CADM2: variants seen among roughly 807,000 people sequenced by gnomAD.
The protein encoded by CADM2 is immunoglobulin superfamily member 4D.
Under a neutral mutation model 49.8 loss-of-function variants are expected in CADM2, and 12 were observed. The ratio of observed to expected loss-of-function variants is 0.24; its 90% CI spans 0.15 to 0.39. The LOEUF (loss-of-function observed/expected upper bound fraction) is 0.39. Ranked by LOEUF, CADM2 falls within the 10% of genes least tolerant of loss-of-function variation. The pLI, the probability that CADM2 is intolerant of heterozygous loss-of-function variation, is 1.00. For synonymous variants in CADM2, 214 were observed against 175.4 expected (o/e 1.22, Z -1.74); for missense variants, 378 against 492.3 (o/e 0.77, Z 2.20).
At chr3:85,493,860 T>C (rs1035644715) in intron 1 of CADM2, among the ~76,000 whole-genome samples, 1 of 152,214 alleles carries the variant, frequency 6.6e-6, no homozygotes, top group Non-Finnish European at 1.5e-5. Context: ...GAGATATGCT[T>C]TCTCCTATCT....
At chr3:85,706,296 A>T (rs1379088020) in intron 1 of CADM2, among the ~76,000 whole-genome samples, 1 of 152,142 alleles carries the variant, frequency 6.6e-6, no homozygotes, top group African/African-American at 2.4e-5. Context: ...GCCTCTCTTT[A>T]TTTCTATCCA....
intron 1 of CADM2, among the ~76,000 whole-genome samples, chr3:85,530,321 C>CTTTTTTTTTTTTTTT (rs2061270952): frequency 8.4e-6 from 1 of 119,058 alleles, no homozygotes; most frequent in African/African-American, 3.9e-5. Flanking sequence ...TTCTTTTCTC[C>CTTTTTTTTTTTTTTT]GTTTTTTTTT....
intron 1 of CADM2, among the ~76,000 whole-genome samples, chr3:85,094,639 G>A (rs1433120590): frequency 6.6e-6 from 1 of 152,044 alleles, no homozygotes; most frequent in Non-Finnish European, 1.5e-5. Context: ...TATTAAACAA[G>A]GATACATTAT....
intron 8 of CADM2, among the ~76,000 whole-genome samples, chr3:86,044,065 A>G (rs956544566): frequency 7.9e-5 from 12 of 152,214 alleles, no homozygotes; most frequent in African/African-American, 2.9e-4. Context: ...TAAATTCAAG[A>G]TGGATTAAAG....
intron 3 of CADM2, among the ~76,000 whole-genome samples, chr3:85,836,012 C>T (rs1243726019): frequency 6.6e-6 from 1 of 151,342 alleles, no homozygotes; most frequent in Non-Finnish European, 1.5e-5. Context: ...ATACAGGCTG[C>T]TATTTTAAAT....
chr3:85,616,312 A>G (rs143551569), intron 1 of CADM2, among the ~76,000 whole-genome samples: 2,487 of 152,184 alleles, frequency 0.016, 35 homozygotes, highest in Non-Finnish European at 0.025. Context: ...AAAGCACAAT[A>G]TTAAGTATAG....
chr3:85,964,170 C>T (rs1725193574), intron 8 of CADM2, among the ~76,000 whole-genome samples: 2 of 151,740 alleles, frequency 1.3e-5, no homozygotes, highest in South Asian at 2.1e-4. Flanking sequence ...AGTGGCATTT[C>T]GATCTATAAT....
At chr3:85,740,207 A>C (rs2068324371) in intron 2 of CADM2, among the ~76,000 whole-genome samples, 1 of 152,166 alleles carries the variant, frequency 6.6e-6, no homozygotes, top group Non-Finnish European at 1.5e-5. Flanking sequence ...GTGTCTTTTG[A>C]TATCTGTACA....
chr3:85,235,847 A>G (rs1342628134), intron 1 of CADM2, among the ~76,000 whole-genome samples: 1 of 152,034 alleles, frequency 6.6e-6, no homozygotes, highest in African/African-American at 2.4e-5. Context: ...ATGGTGAAAA[A>G]TAGTATAATG....
intron 7 of CADM2, among the ~76,000 whole-genome samples, chr3:85,959,110 ATATC>A (rs1416700347): frequency 6.0e-5 from 9 of 149,370 alleles, no homozygotes; most frequent in African/African-American, 1.5e-4. Context: ...CTGTATATCT[ATATC>A]TATATAGCTA....
chr3:85,966,498 C>A (rs78926293), intron 8 of CADM2, among the ~76,000 whole-genome samples: 1 of 151,716 alleles, frequency 6.6e-6, no homozygotes, highest in Non-Finnish European at 1.5e-5. Context: ...CAATTCATCA[C>A]TCCTTTATTA....
At chr3:85,214,454 C>T (rs942152874) in intron 1 of CADM2, among the ~76,000 whole-genome samples, 1 of 151,830 alleles carries the variant, frequency 6.6e-6, no homozygotes, top group Non-Finnish European at 1.5e-5. Flanking sequence ...GCCTGTATTC[C>T]CTTAAGGCCC....
At position 85,200,765 on chromosome 3, in the gene CADM2, A is replaced by C. The variant is rs536376821; in HGVS notation, c.61+241097A>C. Among the ~76,000 whole-genome samples the C allele has an allele frequency of 5.9e-5, 9 of 152,300 alleles. No individual in the cohort carries two copies. The South Asian group carries it at 1.9e-3, about 32-fold the overall frequency. ...ACCTTATATTTCAATGGCAAATATA[A>C]ATTTGTTAAAATGTCCAGATAGTGT... On this transcript the variant is annotated intron_variant, in intron 1 of 9. Transcript: ENST00000383699.
chr3:85,553,591 A>C (rs1344809177), intron 1 of CADM2, among the ~76,000 whole-genome samples: 1 of 152,204 alleles, frequency 6.6e-6, no homozygotes, highest in East Asian at 1.9e-4. Flanking sequence ...ATCTTCCTAC[A>C]GAGCCGTGGT....
intron 1 of CADM2, among the ~76,000 whole-genome samples, chr3:85,627,996 C>T (rs1576967381): frequency 6.6e-6 from 1 of 152,024 alleles, no homozygotes; most frequent in African/African-American, 2.4e-5. Flanking sequence ...CACTTGCAAA[C>T]ACTTCCCCAA....
At chr3:85,210,602 T>G (rs2041754468) in intron 1 of CADM2, among the ~76,000 whole-genome samples, 1 of 152,136 alleles carries the variant, frequency 6.6e-6, no homozygotes, top group Non-Finnish European at 1.5e-5. Flanking sequence ...AGTGCAGTGG[T>G]GCAATCATGG....
chr3:86,061,465 A>G lies in CADM2; in HGVS notation c.971-4140A>G, dbSNP rs573549336. Among the ~76,000 whole-genome samples, 13 of 152,286 alleles carry G rather than the reference A, an allele frequency of 8.5e-5. No individual in the cohort carries two copies. In the East Asian group the frequency reaches 2.3e-3, roughly 27 times the overall value. On this transcript the variant is annotated intron_variant, in intron 8 of 9. Transcript: ENST00000383699. Reference sequence around the variant, plus strand: ...AATTCTGTGGGGGACAGCTGGCTATAAAAACAGAAGTTATATTTTAACACT... The same window carrying G: ...AATTCTGTGGGGGACAGCTGGCTATGAAAACAGAAGTTATATTTTAACACT...
At chr3:85,360,767 G>T in intron 1 of CADM2, among the ~76,000 whole-genome samples, 1 of 152,048 alleles carries the variant, frequency 6.6e-6, no homozygotes, top group East Asian at 1.9e-4. Flanking sequence ...ACATTTTATT[G>T]AAGCATCACA....
At chr3:85,458,243 T>G (rs1232294991) in intron 1 of CADM2, among the ~76,000 whole-genome samples, 1 of 152,218 alleles carries the variant, frequency 6.6e-6, no homozygotes, top group Non-Finnish European at 1.5e-5. Context: ...TTTCATGTTT[T>G]GTATTCATTT....
Sources: allele counts gnomAD v4.1 joint callset (sites outside exome capture counted in the v4.1 genomes callset), GRCh38; gene constraint gnomAD v4.1.1; transcripts MANE v1.5; gene names NCBI Gene and HGNC (gene_info 2026-07-23, HGNC 2026-07-21).